ANXA5: variants seen among roughly 807,000 people sequenced by gnomAD.
ANXA5 encodes CBP-I.
A neutral mutation model predicts 48.1 loss-of-function variants in ANXA5; 40 were observed. That is an observed-to-expected ratio of 0.83 (90% CI 0.65 to 1.08). The LOEUF is 1.08. ANXA5 is among the 50% of genes least tolerant of loss of function. The pLI is 0.00. For missense variants in ANXA5, 357 were observed against 376.8 expected (o/e 0.95, Z 0.44); for synonymous variants, 113 against 129.1 (o/e 0.88, Z 0.85).
intron 2 of ANXA5, among the ~76,000 whole-genome samples, chr4:121,692,652 G>T (rs1725006603): frequency 6.6e-6 from 1 of 152,120 alleles, no homozygotes; most frequent in South Asian, 2.1e-4. Flanking sequence ...ATTTGCTGTT[G>T]TTACCTCTCT....
intron 6 of ANXA5, among the ~76,000 whole-genome samples, chr4:121,679,850 C>T (rs1301504690): frequency 1.3e-5 from 2 of 152,258 alleles, no homozygotes; most frequent in East Asian, 3.9e-4. Context: ...AGTTAATCAG[C>T]ATATCCATCA....
At chr4:121,668,625 T>A in intron 12 of ANXA5, 98 bp from the exon 13 acceptor site, 1 of 972,736 alleles carries the variant, frequency 1.0e-6, no homozygotes, top group Non-Finnish European at 1.6e-6. Flanking sequence ...CATAAGACTC[T>A]TCTCCCAAGT....
intron 3 of ANXA5, among the ~76,000 whole-genome samples, 184 bp from the exon 4 acceptor site, chr4:121,684,955 G>A (rs544664219): frequency 1.3e-5 from 2 of 151,250 alleles, no homozygotes; most frequent in Admixed American, 1.3e-4. Flanking sequence ...CAAGATGGGA[G>A]GATTGCTTGA....
intron 6 of ANXA5, among the ~76,000 whole-genome samples, chr4:121,679,818 T>C (rs751645180): frequency 1.3e-4 from 20 of 152,204 alleles, no homozygotes; most frequent in Non-Finnish European, 2.5e-4. Context: ...ATGTGTACGT[T>C]GTGAAATGAT....
Position 121,668,557 on chromosome 4 carries a change from A to G in ANXA5, c.904-30T>C. 2.5e-6 allele frequency: 4 copies of G among 1,596,176 alleles called. No individual in the cohort carries two copies. The South Asian group carries it at 3.3e-5, about 13-fold the overall frequency. ...AACCAAATGTATTCCATTAACCTCC[A>G]TGACTCACAGAAGCCATAGAAAATT... On this transcript the variant is annotated intron_variant, in intron 12 of 12. Coordinates refer to ENST00000296511, the MANE Select transcript of ANXA5 (RefSeq NM_001154.4).
chr4:121,678,664 G>C (rs112191309), intron 6 of ANXA5, among the ~76,000 whole-genome samples, 170 bp from the exon 7 acceptor site: 3 of 152,130 alleles, frequency 2.0e-5, no homozygotes, highest in Admixed American at 2.0e-4. Flanking sequence ...TCAGTGAGTG[G>C]TTGGACAAAA....
In ANXA5 at chr4:121,672,629, G is replaced by A; in HGVS notation, c.532-3C>T. 3.1e-6 allele frequency: 5 copies of A among 1,610,566 alleles called. No individual in the cohort carries two copies. Among genetic ancestry groups the A allele is most frequent in the Non-Finnish European group, 3.4e-6 (4 of 1,177,486 alleles). ...AGTTCTCCAGCCTGAAATAAAGCCT[G>A]CAAAAATTTCAAACTCAATTAATAA... On this transcript the variant is annotated splice_region_variant and splice_polypyrimidine_tract_variant and intron_variant, in intron 8 of 12. Transcript: ENST00000296511.
chr4:121,692,945 A>G (rs974583949), intron 2 of ANXA5, among the ~76,000 whole-genome samples: 1 of 152,214 alleles, frequency 6.6e-6, no homozygotes, highest in Admixed American at 6.5e-5. Context: ...GTTAAGAACT[A>G]GTGTCCCACC....
Position 121,677,782 on chromosome 4 carries a change from A to G in ANXA5, c.531+112T>C, listed in dbSNP as rs1374774817. ...TCTTATGCTATGTAAATAACCCATT[A>G]ACAAGATTATCACTAGAAGCTATTA... On this transcript the variant is annotated intron_variant, in intron 8 of 12. Transcript: ENST00000296511. The G allele has an allele frequency of 5.2e-6, 5 of 962,670 alleles. No individual in the cohort carries two copies. The Admixed American group carries it at 7.6e-5, about 15-fold the overall frequency. The allele number at this position is 962,670 out of a possible 1,614,324, so 59.6% of individuals were successfully genotyped here. A position where few individuals can be genotyped will look rare whatever the true frequency, so the allele number is the denominator to read the frequency against.
chr4:121,683,057 C>T (rs1271470243), intron 5 of ANXA5, among the ~76,000 whole-genome samples: 2 of 152,040 alleles, frequency 1.3e-5, no homozygotes, highest in Non-Finnish European at 2.9e-5. Context: ...AATAGCTCAT[C>T]TGTAATATTT....
At chr4:121,693,337 A>T (rs1402602145) in intron 2 of ANXA5, among the ~76,000 whole-genome samples, 1 of 152,214 alleles carries the variant, frequency 6.6e-6, no homozygotes, top group Admixed American at 6.5e-5. Context: ...CATATTATGT[A>T]AACTAACTAA....
intron 2 of ANXA5, among the ~76,000 whole-genome samples, chr4:121,694,373 C>T (rs899112594): frequency 6.6e-6 from 1 of 152,008 alleles, no homozygotes; most frequent in Non-Finnish European, 1.5e-5. Flanking sequence ...GCTCAGACGC[C>T]GCACCCAACT....
chr4:121,693,251 A>C (rs941685629), intron 2 of ANXA5, among the ~76,000 whole-genome samples: 4 of 151,946 alleles, frequency 2.6e-5, no homozygotes, highest in Admixed American at 2.0e-4. Flanking sequence ...AAAAAAAAAA[A>C]CCCAAAAAAC....
rs899303012 is a variant in ANXA5 at position 121,669,500 on chromosome 4, T to C, written c.903+102A>G. ...TTGCTCTAATCGTGTCACTAAAATT[T>C]TAAACTTAACACAAGAATCAGGTTC... On this transcript the variant is annotated intron_variant, in intron 12 of 12. Transcript: ENST00000296511. The C allele has an allele frequency of 2.8e-6, 4 of 1,446,422 alleles. No homozygotes were observed. In the African/African-American group the frequency reaches 5.7e-5, roughly 21 times the overall value. 89.6% of individuals were successfully genotyped at this position (1,446,422 alleles called of 1,614,324 possible).
intron 12 of ANXA5, chr4:121,669,372 G>T: frequency 2.0e-6 from 1 of 490,538 alleles, no homozygotes; most frequent in Non-Finnish European, 3.6e-6. Context: ...ACTAAATAAT[G>T]CTTCTGAGTT....
chr4:121,668,413 A>G lies in ANXA5; in HGVS notation c.*55T>C, dbSNP rs1164218859. 6.6e-7 allele frequency: 1 copy of G among 1,522,442 alleles called. No homozygotes were observed. The highest frequency in any genetic ancestry group is 9.1e-7 in the Non-Finnish European group (1 of 1,097,134). The allele number at this position is 1,522,442 out of a possible 1,614,324, so 94.3% of individuals were successfully genotyped here. ...ATACAAATGCAGCTAAAGGTGCTGA[A>G]GGAAGGCAGTGGGGTGGTGCAGGCA... is the stretch of plus-strand genomic sequence containing the variant. On this transcript the variant is annotated 3_prime_UTR_variant, in exon 13 of 13. Coordinates refer to ENST00000296511, the MANE Select transcript of ANXA5 (RefSeq NM_001154.4).
At position 121,683,812 on chromosome 4, in the gene ANXA5, A is replaced by C. The variant is rs186896119; in HGVS notation, c.190-335T>G. Among the ~76,000 whole-genome samples the C allele has an allele frequency of 2.2e-4, 33 of 152,308 alleles. No homozygotes were observed. In the East Asian group the frequency reaches 5.4e-3, roughly 25 times the overall value. On this transcript the variant is annotated intron_variant, in intron 4 of 12. Transcript: ENST00000296511. ...ACATATCTTCTTTGTAATTTCAAAA[A>C]ATAATCATATAATGAAATTTACAAA...
At chr4:121,677,984 T>C (rs772057127) in intron 7 of ANXA5, 34 bp from the exon 8 acceptor site, 11 of 1,563,660 alleles carry the variant, frequency 7.0e-6, no homozygotes, top group East Asian at 2.2e-5. Context: ...TACTGAACTA[T>C]AGAGCATTCT....
chr4:121,696,578 T>C lies in ANXA5; in HGVS notation c.9+3A>G, dbSNP rs1365138473. Reference sequence around the variant, plus strand: ...CAGCGCAGTGGGGGGCGCACGGCCTTACCTGTGCCATGGCGACTACTCAGG... The same window carrying C: ...CAGCGCAGTGGGGGGCGCACGGCCTCACCTGTGCCATGGCGACTACTCAGG... On this transcript the variant is annotated splice_donor_region_variant and intron_variant, in intron 2 of 12. Coordinates refer to ENST00000296511, the MANE Select transcript of ANXA5 (RefSeq NM_001154.4). 3.5e-6 allele frequency: 5 copies of C among 1,426,746 alleles called. No homozygotes were observed. Among genetic ancestry groups the C allele is most frequent in the South Asian group, 1.7e-5 (1 of 59,700 alleles). The allele number at this position is 1,426,746 out of a possible 1,614,324, so 88.4% of individuals were successfully genotyped here.
Sources: allele counts gnomAD v4.1 joint callset (sites outside exome capture counted in the v4.1 genomes callset), GRCh38; gene constraint gnomAD v4.1.1; transcripts MANE v1.5; gene names NCBI Gene and HGNC (gene_info 2026-07-23, HGNC 2026-07-21).